ITGB2: variants seen among roughly 807,000 people sequenced by gnomAD.
ITGB2 encodes the protein integrin subunit beta 2.
In ITGB2, 56 loss-of-function variants were observed where a neutral mutation model predicts 86.8. The observed-to-expected ratio is 0.65, with a 90% confidence interval of 0.52 to 0.81. The LOEUF (loss-of-function observed/expected upper bound fraction) is 0.81. ITGB2 is among the 30% of genes least tolerant of loss of function. ITGB2 has a pLI of 0.00. For synonymous variants in ITGB2, 457 were observed against 450.4 expected, an observed-to-expected ratio of 1.01 and a Z score of -0.19; for missense variants, 948 against 1,061.2, an observed-to-expected ratio of 0.89 and a Z score of 1.48.
chr21:44,889,916 C>T (rs1040161674), intron 12 of ITGB2, 62 bp downstream of exon 12: 3 of 1,601,246 alleles, frequency 1.9e-6, no homozygotes, highest in Non-Finnish European at 2.6e-6. Context: ...CCAGAACGCA[C>T]CCCCCAACAC....
In ITGB2 at chr21:44,889,393, C is replaced by T. The variant is rs772406915; in HGVS notation, c.1760G>A (p.Arg587His). ...RTTEGCLNPRRVECSGRGRCR... is the reference protein window; with the variant it reads ...RTTEGCLNPRHVECSGRGRCR... ...CCGGCCACGACCACTACACTCAACA[C>T]GCCGCGGGTTCAGGCAGCCCTCAGT... The change falls in exon 13 of 16, where the codon CGT (arginine) becomes CAT (histidine). Residue 587 changes from arginine (R) to histidine (H), a missense_variant. Coordinates refer to ENST00000652462, the MANE Select transcript of ITGB2 (RefSeq NM_000211.5). 10 of 1,612,838 alleles carry T rather than the reference C, an allele frequency of 6.2e-6. 1 individual carries two copies. Among genetic ancestry groups the T allele is most frequent in the Admixed American group, 3.3e-5 (2 of 59,996 alleles).
intron 8 of ITGB2, among the ~76,000 whole-genome samples, chr21:44,898,313 A>T (rs1028258620): frequency 2.6e-5 from 4 of 152,154 alleles, no homozygotes; most frequent in Non-Finnish European, 5.9e-5. Context: ...GGGAGGGGAC[A>T]CTGGGAGCTG....
At chr21:44,894,741 A>G (rs2083839171) in intron 9 of ITGB2, 1 of 587,964 alleles carries the variant, frequency 1.7e-6, no homozygotes, top group East Asian at 3.0e-5. Flanking sequence ...CTCAGGTTTC[A>G]GGGAGCATCG....
At chr21:44,902,894 G>A (rs774988969) in intron 5 of ITGB2, among the ~76,000 whole-genome samples, 4 of 152,230 alleles carry the variant, frequency 2.6e-5, no homozygotes, top group Non-Finnish European at 5.9e-5. Flanking sequence ...CACGGCCGGC[G>A]GGGAAGACAT....
intron 12 of ITGB2, 145 bp downstream of exon 12, chr21:44,889,833 C>A: frequency 8.1e-7 from 1 of 1,228,482 alleles, no homozygotes; most frequent in Non-Finnish European, 1.2e-6. Flanking sequence ...TTCCTGCTGA[C>A]GCCCGGTGGC....
chr21:44,902,886 C>T (rs2083986453), intron 5 of ITGB2, among the ~76,000 whole-genome samples: 3 of 152,310 alleles, frequency 2.0e-5, no homozygotes, highest in South Asian at 2.1e-4. Context: ...TGAGAAGCCA[C>T]GGCCGGCGGG....
chr21:44,889,411 C>A lies in ITGB2; in HGVS notation c.1742G>T (p.Gly581Val). Residue 581 changes from glycine to valine, a missense_variant, in exon 13 of 16, where the codon GGC becomes GTC. Gly to Val is a moderately radical substitution (Grantham distance 109). Transcript: ENST00000652462. ...CTCAACACGCCGCGGGTTCAGGCAG[C>A]CCTCAGTGGTCCTCTCGCACTGGCA... ...SACQCERTTE[G>V]CLNPRRVECS... 6.2e-7 allele frequency: 1 copy of A among 1,612,220 alleles called. No individual in the cohort carries two copies. Among genetic ancestry groups the A allele is most frequent in the South Asian group, 1.1e-5 (1 of 90,938 alleles).
At chr21:44,892,347 C>T (rs1012857925) in intron 10 of ITGB2, among the ~76,000 whole-genome samples, 3 of 151,468 alleles carry the variant, frequency 2.0e-5, no homozygotes, top group African/African-American at 7.3e-5. Flanking sequence ...CAGCTGGGCG[C>T]CGCGGCTCAC....
chr21:44,901,406 G>C, intron 6 of ITGB2, 86 bp downstream of exon 6: 1 of 1,526,638 alleles, frequency 6.6e-7, no homozygotes, highest in Non-Finnish European at 8.8e-7. Flanking sequence ...CTGCCGGCCA[G>C]GGTACCCCCC....
chr21:44,900,757 G>A (rs769756724), intron 6 of ITGB2, among the ~76,000 whole-genome samples: 19 of 152,210 alleles, frequency 1.2e-4, no homozygotes, highest in Non-Finnish European at 7.3e-5. Context: ...CTTCAGAGCT[G>A]GGAACAAACC....
Position 44,900,407 on chromosome 21 carries a change from C to G in ITGB2, c.810G>C (p.Ala270=), listed in dbSNP as rs61737077. 1 of 1,614,046 alleles carries G rather than the reference C, an allele frequency of 6.2e-7. No individual in the cohort carries two copies. Among genetic ancestry groups the G allele is most frequent in the Non-Finnish European group, 8.5e-7 (1 of 1,179,936 alleles). ...GGATGGCGCCCAGCTTCCCGTCGCC[C>G]GCGAAATGGAAGCCGTCATCAGTGG... ...VFATDDGFHF[A]GDGKLGAILT... The change falls in exon 7 of 16, where the codon GCG becomes GCC. Residue 270 remains alanine, a synonymous_variant. Transcript: ENST00000652462.
At chr21:44,901,210 G>C (rs142593906) in intron 6 of ITGB2, among the ~76,000 whole-genome samples, 1 of 152,208 alleles carries the variant, frequency 6.6e-6, no homozygotes, top group Non-Finnish European at 1.5e-5. Flanking sequence ...TTGGCCGCTC[G>C]CAAAATGTTT....
chr21:44,923,977 G>A (rs1348378266), upstream of ITGB2, among the ~76,000 whole-genome samples: 1 of 152,152 alleles, frequency 6.6e-6, no homozygotes, highest in Non-Finnish European at 1.5e-5. Flanking sequence ...AATGGACAAA[G>A]GAAGATGTAG....
At chr21:44,897,132 G>A (rs994682263) in intron 8 of ITGB2, among the ~76,000 whole-genome samples, 1 of 152,130 alleles carries the variant, frequency 6.6e-6, no homozygotes, top group South Asian at 2.1e-4. Flanking sequence ...CGTGTCTCCC[G>A]CAGGGTCCTG....
chr21:44,890,014 A>G lies in ITGB2; in HGVS notation c.1621T>C (p.Cys541Arg). The G allele has an allele frequency of 6.2e-7, 1 of 1,613,378 alleles. No individual in the cohort carries two copies. The highest frequency in any genetic ancestry group is 2.2e-5 in the East Asian group (1 of 44,874). ...GQYCECDTIN[C>R]ERYNGQVCGG... ...CAGACCTGGCCGTTGTAGCGCTCAC[A>G]GTTGATGGTGTCACACTCGCAGTAC... The change falls in exon 12 of 16, where the codon TGT becomes CGT. Residue 541 changes from cysteine (C) to arginine (R), a missense_variant. Transcript: ENST00000652462.
At chr21:44,906,709 G>T (rs1377377269) in intron 4 of ITGB2, among the ~76,000 whole-genome samples, 1 of 152,198 alleles carries the variant, frequency 6.6e-6, no homozygotes, top group Non-Finnish European at 1.5e-5. Context: ...GTAAGGGCTG[G>T]GGCAGCTCCA....
chr21:44,909,103 G>A (rs942877195), intron 3 of ITGB2, among the ~76,000 whole-genome samples: 1 of 152,228 alleles, frequency 6.6e-6, no homozygotes, highest in African/African-American at 2.4e-5. Flanking sequence ...GGCTTCAGGC[G>A]GGGACCTCCG....
chr21:44,923,205 T>C (rs1316094847), upstream of ITGB2, among the ~76,000 whole-genome samples: 1 of 152,110 alleles, frequency 6.6e-6, no homozygotes, highest in Non-Finnish European at 1.5e-5. Context: ...AAATCCAGGC[T>C]GAAGAAACCC....
chr21:44,903,824 G>A (rs527320553), intron 4 of ITGB2, among the ~76,000 whole-genome samples: 1 of 152,116 alleles, frequency 6.6e-6, no homozygotes, highest in Admixed American at 6.5e-5. Context: ...CATTGGGGAC[G>A]CCTTTCATTG....
Sources: allele counts gnomAD v4.1 joint callset (sites outside exome capture counted in the v4.1 genomes callset), GRCh38; gene constraint gnomAD v4.1.1; transcripts MANE v1.5; gene names NCBI Gene and HGNC (gene_info 2026-07-23, HGNC 2026-07-21).